LHFPL3: variants seen among roughly 807,000 people sequenced by gnomAD.
The protein encoded by LHFPL3 is LHFPL tetraspan subfamily member 3 protein.
A neutral mutation model predicts 19.3 loss-of-function variants in LHFPL3; 5 were observed. The ratio of observed to expected loss-of-function variants is 0.26; its 90% CI spans 0.14 to 0.54. LHFPL3 has a LOEUF of 0.54. LHFPL3 is among the 20% of genes least tolerant of loss of function. The pLI is 0.94. For synonymous variants in LHFPL3, 133 were observed against 126.2 expected (o/e 1.05, Z -0.36); for missense variants, 249 against 307.4 (o/e 0.81, Z 1.42).
At chr7:104,767,330 C>A (rs1281229764) in intron 2 of LHFPL3, among the ~76,000 whole-genome samples, 1 of 152,174 alleles carries the variant, frequency 6.6e-6, no homozygotes, top group Non-Finnish European at 1.5e-5. Flanking sequence ...AGAGGATCTG[C>A]AAACCCAGAG....
chr7:104,522,434 C>G (rs937922881), intron 1 of LHFPL3, among the ~76,000 whole-genome samples: 16 of 148,936 alleles, frequency 1.1e-4, no homozygotes, highest in Non-Finnish European at 1.9e-4. Context: ...ATACCTAATG[C>G]GAGATGACGA....
At chr7:104,679,545 T>C (rs151130136) in intron 1 of LHFPL3, among the ~76,000 whole-genome samples, 1 of 152,342 alleles carries the variant, frequency 6.6e-6, no homozygotes, top group African/African-American at 2.4e-5. Context: ...ACTGGCTTGA[T>C]TGGTCAATGT....
intron 1 of LHFPL3, among the ~76,000 whole-genome samples, chr7:104,565,180 C>G (rs1445563178): frequency 6.6e-6 from 1 of 152,154 alleles, no homozygotes; most frequent in Non-Finnish European, 1.5e-5. Flanking sequence ...CCTAAGCATT[C>G]AAACATATAA....
intron 1 of LHFPL3, among the ~76,000 whole-genome samples, chr7:104,489,834 TGGA>T (rs1358525686): frequency 6.6e-6 from 1 of 152,206 alleles, no homozygotes; most frequent in Non-Finnish European, 1.5e-5. Context: ...GGAAGTTTTG[TGGA>T]GGATCAGTTC....
intron 2 of LHFPL3, among the ~76,000 whole-genome samples, chr7:104,843,296 G>A (rs1052128804): frequency 5.3e-5 from 8 of 152,212 alleles, no homozygotes; most frequent in South Asian, 2.1e-4. Flanking sequence ...CTCAGAGCAC[G>A]TCAGTGTGGG....
intron 1 of LHFPL3, among the ~76,000 whole-genome samples, chr7:104,735,757 A>C (rs1362547583): frequency 2.0e-5 from 3 of 152,214 alleles, no homozygotes; most frequent in Middle Eastern, 3.2e-3. Flanking sequence ...CCAGTACCTC[A>C]GTTGGAAATG....
At chr7:104,637,738 A>G (rs893568819) in intron 1 of LHFPL3, among the ~76,000 whole-genome samples, 2 of 146,418 alleles carry the variant, frequency 1.4e-5, no homozygotes, top group Non-Finnish European at 3.0e-5. Context: ...TCATTGGTCT[A>G]TGTGTCTGTT....
chr7:104,328,699 C>A lies in LHFPL3; in HGVS notation c.-81C>A, dbSNP rs1371897358. ...AGGGGAGTTGCAGCGCGCGAGGCTC[C>A]GTGAGTGTGTCTCCTGCGCGCTGAG... On this transcript the variant is annotated 5_prime_UTR_variant, in exon 1 of 3. Coordinates refer to ENST00000424859, the MANE Select transcript of LHFPL3 (RefSeq NM_199000.3). The surrounding 1 kb of genome is among the most constrained non-coding windows in gnomAD (Gnocchi z 4.6). 9.4e-6 allele frequency: 12 copies of A among 1,279,782 alleles called. No homozygotes were observed. The highest frequency in any genetic ancestry group is 1.5e-5 in the African/African-American group (1 of 68,328). The allele number at this position is 1,279,782 out of a possible 1,614,324, so 79.3% of individuals were successfully genotyped here.
At chr7:104,554,482 A>G (rs1794720183) in intron 1 of LHFPL3, among the ~76,000 whole-genome samples, 1 of 152,138 alleles carries the variant, frequency 6.6e-6, no homozygotes, top group African/African-American at 2.4e-5. Context: ...ATGTGAATTA[A>G]TAAATTAGCT....
intron 1 of LHFPL3, among the ~76,000 whole-genome samples, chr7:104,494,637 A>T (rs879020624): frequency 1.3e-5 from 2 of 152,156 alleles, no homozygotes; most frequent in Admixed American, 1.3e-4. Flanking sequence ...TTTCTTATTC[A>T]TCCATTCAAG....
At chr7:104,391,661 A>G (rs1791071252) in intron 1 of LHFPL3, among the ~76,000 whole-genome samples, 1 of 152,128 alleles carries the variant, frequency 6.6e-6, no homozygotes, top group South Asian at 2.1e-4. Flanking sequence ...TTGCCTTGAC[A>G]ATGCGGGCCC....
At chr7:104,757,479 A>G (rs1794306286) in intron 2 of LHFPL3, 1 of 152,220 alleles carries the variant, frequency 6.6e-6, no homozygotes. Context: ...TTTAATATCC[A>G]GAATCCATAA....
At chr7:104,576,174 G>GA (rs111926742) in intron 1 of LHFPL3, among the ~76,000 whole-genome samples, 3 of 152,054 alleles carry the variant, frequency 2.0e-5, no homozygotes, top group African/African-American at 7.2e-5. Context: ...AAAAAAATTA[G>GA]AAAAAAGAAT....
chr7:104,640,522 T>G (rs1206007664), intron 1 of LHFPL3, among the ~76,000 whole-genome samples: 1 of 152,216 alleles, frequency 6.6e-6, no homozygotes, highest in African/African-American at 2.4e-5. Flanking sequence ...GGTCTATCAT[T>G]GATGGGCATT....
intron 1 of LHFPL3, among the ~76,000 whole-genome samples, chr7:104,618,951 GC>G (rs1791395672): frequency 6.6e-6 from 1 of 152,238 alleles, no homozygotes; most frequent in African/African-American, 2.4e-5. Context: ...AGAAGAAGAG[GC>G]CCCTTAGTAG....
At chr7:104,425,402 T>A (rs1562893522) in intron 1 of LHFPL3, among the ~76,000 whole-genome samples, 1 of 152,208 alleles carries the variant, frequency 6.6e-6, no homozygotes. Flanking sequence ...ATTTTTTTTT[T>A]ATTTGCCTGT....
intron 1 of LHFPL3, among the ~76,000 whole-genome samples, chr7:104,702,663 C>T (rs964452353): frequency 6.6e-6 from 1 of 152,212 alleles, no homozygotes; most frequent in Admixed American, 6.5e-5. Flanking sequence ...TTGCCTGCAA[C>T]ATGCACTCTT....
intron 1 of LHFPL3, among the ~76,000 whole-genome samples, chr7:104,644,239 G>C (rs753677578): frequency 6.6e-6 from 1 of 152,172 alleles, no homozygotes; most frequent in South Asian, 2.1e-4. Flanking sequence ...TATCTGTAGA[G>C]TGATCGATCC....
At chr7:104,509,517 T>A (rs752951771) in intron 1 of LHFPL3, among the ~76,000 whole-genome samples, 6 of 152,116 alleles carry the variant, frequency 3.9e-5, no homozygotes, top group Middle Eastern at 3.4e-3. Context: ...AAAAAGCATT[T>A]GATAAAAGTC....
Sources: allele counts gnomAD v4.1 joint callset (sites outside exome capture counted in the v4.1 genomes callset), GRCh38; gene constraint gnomAD v4.1.1; non-coding constraint Gnocchi (gnomAD v3.1); transcripts MANE v1.5; gene names NCBI Gene and HGNC (gene_info 2026-07-23, HGNC 2026-07-21).